TRAPPC8: variants seen among roughly 807,000 people sequenced by gnomAD.
TRAPPC8 encodes trafficking protein particle complex subunit 8.
In TRAPPC8, 54 loss-of-function variants were observed where a neutral mutation model predicts 174.3. The ratio of observed to expected loss-of-function variants is 0.31; its 90% CI spans 0.25 to 0.39. TRAPPC8 has a LOEUF of 0.39. Ranked by LOEUF, TRAPPC8 falls within the 10% of genes least tolerant of loss-of-function variation. The pLI is 1.00. For missense variants in TRAPPC8, 1,531 were observed against 1,699.1 expected (o/e 0.90, Z 1.74); for synonymous variants, 630 against 579.9 (o/e 1.09, Z -1.24).
chr18:31,937,724 G>A (rs1377333521), intron 1 of TRAPPC8: 1 of 151,876 alleles, frequency 6.6e-6, no homozygotes, highest in Non-Finnish European at 1.5e-5. Flanking sequence ...GTTTTTTTGA[G>A]ACAGAGTCTC....
intron 16 of TRAPPC8, 145 bp downstream of exon 16, chr18:31,870,227 A>G (rs1351939145): frequency 4.7e-6 from 3 of 637,824 alleles, no homozygotes; most frequent in African/African-American, 1.9e-5. Flanking sequence ...ATTTTCAAAA[A>G]TAAGTACATA....
chr18:31,921,077 A>G (rs2037367739), intron 2 of TRAPPC8, among the ~76,000 whole-genome samples: 2 of 151,938 alleles, frequency 1.3e-5, no homozygotes, highest in Admixed American at 6.6e-5. Context: ...TGTAAAAGAA[A>G]GGGGAAAAAT....
rs577524482 is a variant in TRAPPC8 at position 31,850,272 on chromosome 18, A to G, written c.3562-533T>C. On this transcript the variant is annotated intron_variant, in intron 24 of 28. Transcript: ENST00000283351. ...AGCTGCAAGTTACCCTGAATCTTAA[A>G]GCCGTCACCCCAAAATAATTAAACT... is the stretch of plus-strand genomic sequence containing the variant. 2.6e-5 allele frequency among the ~76,000 whole-genome samples: 4 copies of G among 152,312 alleles called. No individual in the cohort carries two copies. The East Asian group carries it at 7.7e-4, about 29-fold the overall frequency.
At position 31,942,982 on chromosome 18, in the gene TRAPPC8, CGCTCGTCCCCGCGT is replaced by C; in HGVS notation, c.-232_-219del. ...CCTTCCCGTCACCGCCGCTTCTCAG[CGCTCGTCCCCGCGT>C]GCTCGCATTCCACCCCGATAGGTGG... On this transcript the variant is annotated 5_prime_UTR_variant, in exon 1 of 29. The change abolishes the stop of an existing upstream ORF in the 5' untranslated region. Coordinates refer to ENST00000283351, the MANE Select transcript of TRAPPC8 (RefSeq NM_014939.5). 1.0e-6 allele frequency: 1 copy of C among 966,630 alleles called. No homozygotes were observed. The highest frequency in any genetic ancestry group is 1.3e-6 in the Non-Finnish European group (1 of 743,736). 59.9% of individuals were successfully genotyped at this position (966,630 alleles called of 1,614,324 possible).
intron 10 of TRAPPC8, among the ~76,000 whole-genome samples, chr18:31,900,265 G>C (rs2036362235): frequency 6.6e-6 from 1 of 151,966 alleles, no homozygotes; most frequent in Admixed American, 6.6e-5. Flanking sequence ...AATAATACAT[G>C]ACAGTAAAGG....
chr18:31,918,934 T>C (rs1030498992), intron 2 of TRAPPC8, among the ~76,000 whole-genome samples: 1 of 152,218 alleles, frequency 6.6e-6, no homozygotes, highest in Admixed American at 6.5e-5. Flanking sequence ...TATGCTGATA[T>C]ATCAAATCTT....
intron 4 of TRAPPC8, among the ~76,000 whole-genome samples, chr18:31,915,760 G>A (rs1345304994): frequency 1.1e-4 from 16 of 151,640 alleles, no homozygotes; most frequent in African/African-American, 3.6e-4. Flanking sequence ...AGTGGCGGGC[G>A]CCTGTAGTCC....
intron 11 of TRAPPC8, among the ~76,000 whole-genome samples, chr18:31,892,230 C>T (rs1050525325): frequency 3.3e-5 from 5 of 152,172 alleles, no homozygotes; most frequent in Non-Finnish European, 7.4e-5. Flanking sequence ...TTCTTTACAG[C>T]TTAATAGTGT....
chr18:31,910,123 T>C (rs983904604), intron 5 of TRAPPC8, among the ~76,000 whole-genome samples: 1 of 152,180 alleles, frequency 6.6e-6, no homozygotes, highest in African/African-American at 2.4e-5. Flanking sequence ...AGAGATGGAC[T>C]ACTAGAGTCA....
chr18:31,932,337 G>C (rs1254619233), intron 1 of TRAPPC8, among the ~76,000 whole-genome samples: 6 of 151,270 alleles, frequency 4.0e-5, no homozygotes, highest in Non-Finnish European at 8.8e-5. Context: ...TGAGGCAGGA[G>C]AATTGCTTGA....
chr18:31,924,721 A>G (rs1040884199), intron 2 of TRAPPC8, among the ~76,000 whole-genome samples: 11 of 143,902 alleles, frequency 7.6e-5, no homozygotes, highest in African/African-American at 2.9e-4. Flanking sequence ...CTGGGCAACA[A>G]CAGCGAAACT....
Position 31,909,654 on chromosome 18 carries a change from A to T in TRAPPC8, c.865+13T>A, listed in dbSNP as rs774469095. 1 of 1,587,698 alleles carries T rather than the reference A, an allele frequency of 6.3e-7. No homozygotes were observed. Among genetic ancestry groups the T allele is most frequent in the African/African-American group, 1.4e-5 (1 of 73,100 alleles). On this transcript the variant is annotated intron_variant, in intron 6 of 28. Coordinates refer to ENST00000283351, the MANE Select transcript of TRAPPC8 (RefSeq NM_014939.5). ...TCAATCAAAAGAGAAACTTAGAGAA[A>T]ATATATCAAGACCTTTGACTTCGTT...
intron 2 of TRAPPC8, chr18:31,926,553 C>T (rs1385779670): frequency 6.6e-6 from 1 of 151,878 alleles, no homozygotes; most frequent in African/African-American, 2.4e-5. Flanking sequence ...ACTGCAACCT[C>T]CGCCTCAAGC....
chr18:31,884,906 T>C (rs185762671), intron 12 of TRAPPC8, among the ~76,000 whole-genome samples: 148 of 150,438 alleles, frequency 9.8e-4, no homozygotes, highest in Admixed American at 1.7e-3. Flanking sequence ...CAGGCTGGAG[T>C]GCAGTGGCGC....
intron 26 of TRAPPC8, among the ~76,000 whole-genome samples, chr18:31,843,286 G>A (rs905550141): frequency 3.3e-5 from 5 of 151,342 alleles, no homozygotes; most frequent in Middle Eastern, 3.2e-3. Context: ...TTTCTTTTTC[G>A]GTTAAAATTT....
rs141337022 is a variant in TRAPPC8 at position 31,884,390 on chromosome 18, G to C, written c.1728+6345C>G. ...CTAAAACTGCATGTGAGCATATAGTGAATGTGTGTGTATTTATGTGTGTGT... is the reference window on the plus strand; with the variant it reads ...CTAAAACTGCATGTGAGCATATAGTCAATGTGTGTGTATTTATGTGTGTGT... On this transcript the variant is annotated intron_variant, in intron 12 of 28. Transcript: ENST00000283351. Among the ~76,000 whole-genome samples the C allele has an allele frequency of 2.4e-3, 367 of 152,324 alleles. 5 individuals carry two copies. The highest frequency in any genetic ancestry group is 0.02 in the Admixed American group (304 of 15,290).
At position 31,867,434 on chromosome 18, in the gene TRAPPC8, C is replaced by T; in HGVS notation, c.2431G>A (p.Glu811Lys). ...GATTCTTCGCCATTAATTAAGAACT[C>T]TGAAATAACTTCAGCTCCAATCATT... ...PEMIGAEVIS[E>K]FLINGEESKV... The change falls in exon 17 of 29, where the codon GAG (glutamate) becomes AAG (lysine). Residue 811 changes from glutamate (E) to lysine (K), a missense_variant. Physicochemically the swap from Glu to Lys is moderately conservative, Grantham distance 56. Transcript: ENST00000283351. 6.2e-7 allele frequency: 1 copy of T among 1,609,792 alleles called. No homozygotes were observed. The highest frequency in any genetic ancestry group is 1.3e-5 in the African/African-American group (1 of 74,904).
At chr18:31,928,694 C>G (rs2037729210) in intron 2 of TRAPPC8, among the ~76,000 whole-genome samples, 1 of 152,074 alleles carries the variant, frequency 6.6e-6, no homozygotes, top group Non-Finnish European at 1.5e-5. Context: ...ATAAATTAGA[C>G]CTTACTATGA....
At chr18:31,849,458 C>T (rs2033590456) in intron 25 of TRAPPC8, 108 bp downstream of exon 25, 2 of 1,006,778 alleles carry the variant, frequency 2.0e-6, no homozygotes, top group East Asian at 6.4e-5. Context: ...AATATTGAAA[C>T]TAGAAAAGAT....
Sources: gnomAD v4.1 joint callset for allele counts (sites outside exome capture counted in the v4.1 genomes callset) on GRCh38, gnomAD v4.1.1 for gene constraint, MANE v1.5 for transcripts, NCBI Gene and HGNC (gene_info 2026-07-23, HGNC 2026-07-21) for gene names.